The following AFAP1L1 variants were observed in gnomAD, a reference collection of about 807,000 sequenced individuals.
AFAP1L1 encodes the protein actin filament-associated protein 1-like 1.
In AFAP1L1, 77 loss-of-function variants were observed where a neutral mutation model predicts 99.8. That is an observed-to-expected ratio of 0.77 (90% confidence interval 0.64 to 0.93). The LOEUF (loss-of-function observed/expected upper bound fraction) is 0.93. Ranked by LOEUF, AFAP1L1 falls within the 40% of genes least tolerant of loss-of-function variation. The pLI, the probability that AFAP1L1 is intolerant of heterozygous loss-of-function variation, is 0.00. For missense variants in AFAP1L1, 893 were observed against 996.8 expected (o/e 0.90, Z 1.40); for synonymous variants, 373 against 395.3 (o/e 0.94, Z 0.67).
rs751317092 is a variant in AFAP1L1, at chr5:149,309,994, G to A, written c.786G>A (p.Arg262=). The A allele has an allele frequency of 1.7e-5, 27 of 1,614,114 alleles. No homozygotes were observed. Among genetic ancestry groups the A allele is most frequent in the Non-Finnish European group, 1.7e-5 (20 of 1,180,050 alleles). ...KSSKDRQPHL[R]LALDTCSIIY... ...CCAAGGATCGGCAGCCACATCTGAG[G>A]TTGGCACTGGATACCTGCAGCATCA... Residue 262 remains arginine (R), a synonymous_variant, in exon 8 of 19, where the codon AGG becomes AGA. Transcript: ENST00000296721.
Position 149,307,476 on chromosome 5 carries a change from C to T in AFAP1L1, c.610C>T (p.Pro204Ser), listed in dbSNP as rs1049894359. The T allele has an allele frequency of 6.2e-7, 1 of 1,614,154 alleles. No homozygotes were observed. Among genetic ancestry groups the T allele is most frequent in the Non-Finnish European group, 8.5e-7 (1 of 1,180,026 alleles). Reference sequence around the variant, plus strand: ...GGAGGAGGAAGGGAAGAGCCCGCAGCCCCGACACCAGTGGCCCTCAGAGGA... The same window carrying T: ...GGAGGAGGAAGGGAAGAGCCCGCAGTCCCGACACCAGTGGCCCTCAGAGGA... The part of the protein sequence containing the change: ...EEEEEGKSPQ[P>S]RHQWPSEEAS... Residue 204 changes from proline (P) to serine (S), a missense_variant, in exon 7 of 19, where the codon CCC (proline) becomes TCC (serine). Coordinates refer to ENST00000296721, the MANE Select transcript of AFAP1L1 (RefSeq NM_152406.4).
At position 149,334,198 on chromosome 5, in the gene AFAP1L1, G is replaced by GT. The variant is rs376307046; in HGVS notation, c.2154+1326dup. On this transcript the variant is annotated intron_variant, in intron 17 of 18. Transcript: ENST00000296721. Reference sequence around the variant, plus strand: ...TTGTTGTCCCAGGTCACATTTCCTGGTCACACCACACCTGATTGAGCCAGT... The same window carrying GT: ...TTGTTGTCCCAGGTCACATTTCCTGGTTCACACCACACCTGATTGAGCCAGT... Among the ~76,000 whole-genome samples the GT allele has an allele frequency of 4.4e-3, 677 of 152,238 alleles. 3 individuals carry two copies. The highest frequency in any genetic ancestry group is 7.6e-3 in the Non-Finnish European group (520 of 68,016).
intron 15 of AFAP1L1, among the ~76,000 whole-genome samples, chr5:149,327,976 G>T (rs1208673691): frequency 1.3e-5 from 2 of 152,162 alleles, no homozygotes; most frequent in African/African-American, 4.8e-5. Flanking sequence ...AAGGCAAGGA[G>T]ATCTACAAAA....
intron 14 of AFAP1L1, 112 bp from the exon 15 acceptor site, chr5:149,322,494 G>T (rs1160601272): frequency 2.9e-6 from 2 of 687,092 alleles, no homozygotes; most frequent in African/African-American, 3.7e-5. Context: ...AAAAATGTAA[G>T]ACCAAGATCT....
At chr5:149,309,154 G>T (rs1756531535) in intron 7 of AFAP1L1, among the ~76,000 whole-genome samples, 1 of 152,108 alleles carries the variant, frequency 6.6e-6, no homozygotes, top group African/African-American at 2.4e-5. Flanking sequence ...GATGACATTT[G>T]CTGTGGGTTG....
chr5:149,299,744 C>T (rs999126231), intron 2 of AFAP1L1, 107 bp downstream of exon 2: 3 of 1,479,808 alleles, frequency 2.0e-6, no homozygotes, highest in Admixed American at 2.0e-5. Flanking sequence ...ACCCCCACCC[C>T]CAGGGGCTGC....
chr5:149,289,441 C>T (rs182095314), intron 1 of AFAP1L1, among the ~76,000 whole-genome samples: 1 of 151,848 alleles, frequency 6.6e-6, no homozygotes, highest in East Asian at 1.9e-4. Flanking sequence ...AAGGCATTGG[C>T]TTTGCAGCTG....
chr5:149,299,033 C>T (rs1017808257), intron 1 of AFAP1L1, among the ~76,000 whole-genome samples: 1 of 152,198 alleles, frequency 6.6e-6, no homozygotes, highest in Non-Finnish European at 1.5e-5. Flanking sequence ...ACAGAAGGTT[C>T]CAGAGATTGA....
intron 9 of AFAP1L1, 156 bp from the exon 10 acceptor site, chr5:149,315,665 C>T (rs539086676): frequency 4.6e-6 from 3 of 650,384 alleles, no homozygotes; most frequent in South Asian, 3.5e-5. Context: ...CTTTTCAATA[C>T]CTGGTATGGT....
intron 5 of AFAP1L1, among the ~76,000 whole-genome samples, chr5:149,304,107 A>G (rs1280777468): frequency 6.6e-6 from 1 of 152,204 alleles, no homozygotes; most frequent in Non-Finnish European, 1.5e-5. Context: ...CATTTCACAT[A>G]AATGGAGTCA....
At chr5:149,318,458 T>C (rs1423368373) in intron 12 of AFAP1L1, among the ~76,000 whole-genome samples, 1 of 152,178 alleles carries the variant, frequency 6.6e-6, no homozygotes, top group Non-Finnish European at 1.5e-5. Flanking sequence ...GCAATTCAAA[T>C]TTTAGAAAGA....
At chr5:149,335,817 G>C in intron 18 of AFAP1L1, 95 bp downstream of exon 18, 1 of 1,512,734 alleles carries the variant, frequency 6.6e-7, no homozygotes, top group East Asian at 2.3e-5. Flanking sequence ...TAGTGAGAAA[G>C]GTAGAGAATT....
chr5:149,323,052 TTGCC>T (rs1757001410), intron 15 of AFAP1L1, among the ~76,000 whole-genome samples: 2 of 152,184 alleles, frequency 1.3e-5, no homozygotes, highest in Non-Finnish European at 2.9e-5. Context: ...AACACCAGAT[TTGCC>T]AATTACTTAA....
chr5:149,278,800 C>G (rs1262491039), intron 1 of AFAP1L1, among the ~76,000 whole-genome samples: 7 of 152,204 alleles, frequency 4.6e-5, no homozygotes, highest in African/African-American at 9.7e-5. Context: ...CCCTCTTGCT[C>G]TGTCTCTATC....
chr5:149,279,624 C>A (rs1027490709), intron 1 of AFAP1L1, among the ~76,000 whole-genome samples: 1 of 152,108 alleles, frequency 6.6e-6, no homozygotes, highest in African/African-American at 2.4e-5. Context: ...ATGCTTAAAC[C>A]CTTCAGTGGT....
At chr5:149,283,815 C>T (rs1407906219) in intron 1 of AFAP1L1, among the ~76,000 whole-genome samples, 5 of 152,202 alleles carry the variant, frequency 3.3e-5, no homozygotes, top group African/African-American at 1.2e-4. Flanking sequence ...GAAAACTGAT[C>T]TCCTGGGAGT....
intron 1 of AFAP1L1, among the ~76,000 whole-genome samples, chr5:149,277,866 C>T (rs10076080): frequency 2.0e-5 from 3 of 152,264 alleles, no homozygotes; most frequent in Non-Finnish European, 2.9e-5. Flanking sequence ...CATACGGGGC[C>T]GTATGACTTA....
chr5:149,303,071 C>G (rs1756284093), intron 5 of AFAP1L1, among the ~76,000 whole-genome samples: 1 of 152,110 alleles, frequency 6.6e-6, no homozygotes, highest in South Asian at 2.1e-4. Context: ...ATGATGTAGG[C>G]AGAAATATCA....
intron 1 of AFAP1L1, among the ~76,000 whole-genome samples, chr5:149,278,114 A>G (rs188935998): frequency 3.3e-5 from 5 of 152,282 alleles, no homozygotes; most frequent in Admixed American, 2.6e-4. Flanking sequence ...CAGAAAAACA[A>G]TCCTGGTTTT....
Sources: gnomAD v4.1 joint callset for allele counts (sites outside exome capture counted in the v4.1 genomes callset) on GRCh38, gnomAD v4.1.1 for gene constraint, MANE v1.5 for transcripts, NCBI Gene and HGNC (gene_info 2026-07-23, HGNC 2026-07-21) for gene names.